Variants in PCDHGA6 observed in about 807,000 individuals in gnomAD.
PCDHGA6 encodes the protein protocadherin gamma subfamily A, 6, also known as protocadherin gamma-A6.
In PCDHGA6, 41 loss-of-function variants were observed where a neutral mutation model predicts 60.6. The observed-to-expected ratio is 0.68, with a 90% CI of 0.53 to 0.88. The LOEUF (loss-of-function observed/expected upper bound fraction) is 0.88. Among genes scored for constraint, PCDHGA6 ranks in the 40% least tolerant of loss-of-function variants. The probability of loss-of-function intolerance (pLI) is 0.00; values close to 1 mark genes in which losing one functional copy is unlikely to be tolerated. For missense variants in PCDHGA6, 1,312 were observed against 1,203.0 expected (o/e 1.09, Z -1.34); for synonymous variants, 594 against 524.4 (o/e 1.13, Z -1.81).
At position 141,418,056 on chromosome 5, in the gene PCDHGA6, T is replaced by G. The variant is rs199996434; in HGVS notation, c.2424+41549T>G. ...GTCCTGGATGTGTCGGCTCGCGAGC[T>G]GCGAGTGAGCGCGGAGAAGCTGCAC... is the stretch of plus-strand genomic sequence containing the variant. On this transcript the variant is annotated intron_variant, in intron 1 of 3. Coordinates refer to ENST00000517434, the MANE Select transcript of PCDHGA6 (RefSeq NM_018919.3). 5.0e-5 allele frequency: 80 copies of G among 1,613,976 alleles called. No individual in the cohort carries two copies. The African/African-American group carries it at 7.5e-4, about 15-fold the overall frequency.
intron 1 of PCDHGA6, among the ~76,000 whole-genome samples, chr5:141,437,421 T>G (rs971034611): frequency 1.2e-4 from 19 of 152,238 alleles, no homozygotes; most frequent in African/African-American, 4.6e-4. Flanking sequence ...TTATGCTTTT[T>G]GAAGCAGCAA....
At position 141,476,764 on chromosome 5, in the gene PCDHGA6, G is replaced by A. The variant is rs570982273; in HGVS notation, c.2425-18043G>A. 1.2e-6 allele frequency: 2 copies of A among 1,613,794 alleles called. No homozygotes were observed. Reference sequence around the variant, plus strand: ...CTAGTCTCCAGTTAGTGCTGACGGCGTTGGACGGAGGGACCCCAGCTCTCT... The same window carrying A: ...CTAGTCTCCAGTTAGTGCTGACGGCATTGGACGGAGGGACCCCAGCTCTCT... On this transcript the variant is annotated intron_variant, in intron 1 of 3. Coordinates refer to ENST00000517434, the MANE Select transcript of PCDHGA6 (RefSeq NM_018919.3). The surrounding 1 kb of genome is among the most constrained non-coding windows in gnomAD (Gnocchi z 7.6).
rs370704204 is a variant in PCDHGA6, at chr5:141,389,625, G to A, written c.2424+13118G>A. On this transcript the variant is annotated intron_variant, in intron 1 of 3. Coordinates refer to ENST00000517434, the MANE Select transcript of PCDHGA6 (RefSeq NM_018919.3). The stretch of plus-strand genomic sequence containing the variant: ...CTTCGATATGGTGCCGCACGCTGCA[G>A]AGCCTGGCTACTTGGTGACCAAGGT... 6 of 1,613,020 alleles carry A rather than the reference G, an allele frequency of 3.7e-6. No individual in the cohort carries two copies. The Admixed American group carries it at 5.0e-5, about 13-fold the overall frequency.
At chr5:141,424,959 C>A (rs1561817087) in intron 1 of PCDHGA6, among the ~76,000 whole-genome samples, 4 of 152,152 alleles carry the variant, frequency 2.6e-5, no homozygotes, top group Non-Finnish European at 5.9e-5. Flanking sequence ...TAGGTATTTG[C>A]CCCAAATTAC....
At chr5:141,470,648 C>T (rs1188305813) in intron 1 of PCDHGA6, among the ~76,000 whole-genome samples, 1 of 152,066 alleles carries the variant, frequency 6.6e-6, no homozygotes, top group Non-Finnish European at 1.5e-5. Context: ...TTTGAAGGCC[C>T]CTACCCTTTG....
chr5:141,485,980 G>C lies in PCDHGA6; in HGVS notation c.2425-8827G>C, dbSNP rs151239937. 1 of 1,614,020 alleles carries C rather than the reference G, an allele frequency of 6.2e-7. No individual in the cohort carries two copies. The highest frequency in any genetic ancestry group is 1.3e-5 in the African/African-American group (1 of 74,914). The stretch of plus-strand genomic sequence containing the variant: ...TCATCCAGCTCAATGCCTCAGACCC[G>C]GACCTGGGTCCCAGTGGTAACGTCA... On this transcript the variant is annotated intron_variant, in intron 1 of 3. Transcript: ENST00000517434. The surrounding 1 kb of genome is among the most constrained non-coding windows in gnomAD (Gnocchi z 5.7).
chr5:141,448,945 A>G (rs1288079348), intron 1 of PCDHGA6, among the ~76,000 whole-genome samples: 1 of 151,716 alleles, frequency 6.6e-6, no homozygotes, highest in Non-Finnish European at 1.5e-5. Context: ...ACTGCAACTC[A>G]AAAAAACAAA....
intron 1 of PCDHGA6, chr5:141,427,892 C>A (rs752723370): frequency 9.9e-5 from 155 of 1,567,044 alleles, no homozygotes; most frequent in Non-Finnish European, 1.3e-4. Context: ...ACGACCAGGG[C>A]TCGCCCGCGC....
Position 141,511,579 on chromosome 5 carries a change from G to T in PCDHGA6, c.*406G>T. The T allele has an allele frequency of 3.6e-6, 1 of 280,798 alleles. No individual in the cohort carries two copies. Among genetic ancestry groups the T allele is most frequent in the South Asian group, 4.1e-5 (1 of 24,614 alleles). 17.4% of individuals were successfully genotyped at this position (280,798 alleles called of 1,614,324 possible). On this transcript the variant is annotated 3_prime_UTR_variant, in exon 4 of 4. Transcript: ENST00000517434. Reference sequence around the variant, plus strand: ...CCTCTTTCCCGAGTAAGGTGGTTGGGGTGTTGAAGTACCAAGTAACCTACA... The same window carrying T: ...CCTCTTTCCCGAGTAAGGTGGTTGGTGTGTTGAAGTACCAAGTAACCTACA...
chr5:141,402,839 C>T (rs2094312458), intron 1 of PCDHGA6: 1 of 1,386,198 alleles, frequency 7.2e-7, no homozygotes, highest in Non-Finnish European at 9.5e-7. Context: ...TGCAGCAAAA[C>T]TCAGCCTCTT....
Position 141,374,602 on chromosome 5 carries a change from T to G in PCDHGA6, c.519T>G (p.Ser173Arg). The G allele has an allele frequency of 6.2e-7, 1 of 1,613,652 alleles. No homozygotes were observed. Among genetic ancestry groups the G allele is most frequent in the Non-Finnish European group, 8.5e-7 (1 of 1,179,732 alleles). The change falls in exon 1 of 4, where the codon AGT becomes AGG. Residue 173 changes from serine (S) to arginine (R), a missense_variant. Physicochemically the swap from Ser to Arg is moderately radical, Grantham distance 110. Transcript: ENST00000517434. Reference protein sequence around the residue: ...GMNSLQGFKLSGNSHFSVDVQ... With the variant: ...GMNSLQGFKLRGNSHFSVDVQ... ...ACTCCCTTCAGGGATTTAAGCTCAG[T>G]GGTAATAGTCACTTCTCAGTGGACG...
chr5:141,422,382 T>C (rs1390444026), intron 1 of PCDHGA6: 5 of 1,585,154 alleles, frequency 3.2e-6, no homozygotes, highest in Admixed American at 1.8e-5. Context: ...AAGTCTCCTG[T>C]TTTATTCCTA....
At chr5:141,422,899 G>C (rs759972749) in intron 1 of PCDHGA6, 13 of 1,614,116 alleles carry the variant, frequency 8.1e-6, no homozygotes, top group Middle Eastern at 3.3e-4. Context: ...GGACCAGAAC[G>C]ACAATGCGCC....
chr5:141,383,192 A>T, intron 1 of PCDHGA6: 1 of 1,614,092 alleles, frequency 6.2e-7, no homozygotes, highest in Non-Finnish European at 8.5e-7. Context: ...ATCTGCGCTC[A>T]GAGTGCGCGG....
At chr5:141,421,444 A>T in intron 1 of PCDHGA6, 1 of 1,614,020 alleles carries the variant, frequency 6.2e-7, no homozygotes, top group Non-Finnish European at 8.5e-7. Flanking sequence ...CAGAGGGAAG[A>T]CACAGCTTTT....
chr5:141,404,490 T>A (rs748668164), intron 1 of PCDHGA6: 6 of 1,613,632 alleles, frequency 3.7e-6, no homozygotes, highest in Non-Finnish European at 5.1e-6. Flanking sequence ...GACACTGGTG[T>A]GCTGTATGCT....
At position 141,433,290 on chromosome 5, in the gene PCDHGA6, C is replaced by T. The variant is rs186668064; in HGVS notation, c.2424+56783C>T. ...CTCACTGCAGCCTCAAACTCCTAGG[C>T]TCAAGCAATTATCCCACCTTTGCCT... On this transcript the variant is annotated intron_variant, in intron 1 of 3. Transcript: ENST00000517434. The T allele has an allele frequency of 1.6e-3, 1,738 of 1,107,746 alleles. 60 individuals carry two copies. In the Admixed American group the frequency reaches 0.041, roughly 26 times the overall value. 68.6% of individuals were successfully genotyped at this position (1,107,746 alleles called of 1,614,324 possible). A position where few individuals can be genotyped will look rare whatever the true frequency, so the allele number is the denominator to read the frequency against.
At chr5:141,482,530 C>CAAAAAAAAAAAAAAA (rs3074545) in intron 1 of PCDHGA6, among the ~76,000 whole-genome samples, 1 of 76,562 alleles carries the variant, frequency 1.3e-5, no homozygotes, top group African/African-American at 4.8e-5. Flanking sequence ...GACAGACATG[C>CAAAAAAAAAAAAAAA]AAAAAAAAAA....
chr5:141,399,751 G>C, intron 1 of PCDHGA6: 1 of 1,613,322 alleles, frequency 6.2e-7, no homozygotes, highest in South Asian at 1.1e-5. Context: ...CAGCGCAAAC[G>C]TGAGCCTGCG....
Sources: gnomAD v4.1 joint callset for allele counts (sites outside exome capture counted in the v4.1 genomes callset) on GRCh38, gnomAD v4.1.1 for gene constraint, Gnocchi (gnomAD v3.1) non-coding constraint, MANE v1.5 for transcripts, NCBI Gene and HGNC (gene_info 2026-07-23, HGNC 2026-07-21) for gene names.